The following GABRB2 variants were observed in gnomAD, a reference collection of about 807,000 sequenced individuals.
GABRB2 encodes gamma-aminobutyric acid type A receptor subunit beta2.
In GABRB2, 16 loss-of-function variants were observed where a neutral mutation model predicts 54.7. The ratio of observed to expected loss-of-function variants is 0.29; its 90% confidence interval spans 0.20 to 0.44. The LOEUF (loss-of-function observed/expected upper bound fraction) is 0.44. Ranked by LOEUF, GABRB2 falls within the 20% of genes least tolerant of loss-of-function variation. The probability of loss-of-function intolerance (pLI) is 1.00; values close to 1 mark genes in which losing one functional copy is unlikely to be tolerated. For missense variants in GABRB2, 355 were observed against 644.0 expected (o/e 0.55, Z 4.86); for synonymous variants, 244 against 233.8 (o/e 1.04, Z -0.40).
intron 9 of GABRB2, among the ~76,000 whole-genome samples, chr5:161,319,894 A>AT (rs1327477006): frequency 2.6e-5 from 4 of 151,088 alleles, no homozygotes; most frequent in Non-Finnish European, 5.9e-5. Context: ...ATCTAGGCTA[A>AT]TTTTTTTTCT....
chr5:161,335,357 G>T (rs960581077), intron 6 of GABRB2, among the ~76,000 whole-genome samples: 3 of 152,060 alleles, frequency 2.0e-5, no homozygotes, highest in Non-Finnish European at 2.9e-5. Context: ...GATGTTTCAG[G>T]GAATGCAGGT....
chr5:161,537,705 T>C (rs888484932), intron 3 of GABRB2, among the ~76,000 whole-genome samples: 11 of 152,204 alleles, frequency 7.2e-5, no homozygotes, highest in African/African-American at 2.7e-4. Flanking sequence ...CCATCTTCGA[T>C]AGGTGTGAAT....
At chr5:161,445,119 G>T (rs1396893550) in intron 4 of GABRB2, among the ~76,000 whole-genome samples, 1 of 152,114 alleles carries the variant, frequency 6.6e-6, no homozygotes, top group African/African-American at 2.4e-5. Context: ...TCCTCAAGAT[G>T]CTGGGGTATA....
intron 4 of GABRB2, among the ~76,000 whole-genome samples, chr5:161,447,259 T>C (rs1004026599): frequency 3.3e-5 from 5 of 152,174 alleles, no homozygotes; most frequent in Admixed American, 6.6e-5. Flanking sequence ...CCCATACTCT[T>C]AACACATTGC....
intron 3 of GABRB2, among the ~76,000 whole-genome samples, chr5:161,526,454 T>C (rs988760933): frequency 6.6e-6 from 1 of 151,018 alleles, no homozygotes; most frequent in African/African-American, 2.4e-5. Flanking sequence ...GTGTAGATGC[T>C]CTTATTATGG....
intron 4 of GABRB2, among the ~76,000 whole-genome samples, chr5:161,413,135 AT>A (rs1269131369): frequency 1.3e-5 from 2 of 152,130 alleles, no homozygotes; most frequent in African/African-American, 2.4e-5. Flanking sequence ...ACTTTGTTCT[AT>A]TTGCTGTTAA....
intron 5 of GABRB2, among the ~76,000 whole-genome samples, chr5:161,387,594 C>A (rs1413151083): frequency 6.6e-6 from 1 of 152,150 alleles, no homozygotes; most frequent in Non-Finnish European, 1.5e-5. Flanking sequence ...CAGAATCCAT[C>A]TACTACCTAG....
chr5:161,500,377 T>C (rs1296540424), intron 3 of GABRB2, among the ~76,000 whole-genome samples: 5 of 152,176 alleles, frequency 3.3e-5, no homozygotes, highest in African/African-American at 9.6e-5. Context: ...GAAGTCAATA[T>C]AGAGTAATGC....
intron 3 of GABRB2, among the ~76,000 whole-genome samples, chr5:161,469,509 C>CAA (rs5872716): frequency 1.4e-4 from 21 of 150,610 alleles, no homozygotes; most frequent in East Asian, 7.8e-4. Context: ...TCTTAAAAAC[C>CAA]AAAAAAAACC....
At chr5:161,494,973 A>G (rs1285765580) in intron 3 of GABRB2, among the ~76,000 whole-genome samples, 1 of 151,934 alleles carries the variant, frequency 6.6e-6, no homozygotes, top group Non-Finnish European at 1.5e-5. Context: ...CTTTTAACTC[A>G]TCTTTCCTAG....
intron 3 of GABRB2, among the ~76,000 whole-genome samples, chr5:161,479,244 G>T (rs532306607): frequency 6.6e-6 from 1 of 152,178 alleles, no homozygotes; most frequent in Admixed American, 6.6e-5. Flanking sequence ...GTCTACATCA[G>T]ATATTCTTTA....
At chr5:161,314,848 TTGAC>T (rs1471320897) in intron 9 of GABRB2, among the ~76,000 whole-genome samples, 1 of 152,138 alleles carries the variant, frequency 6.6e-6, no homozygotes, top group Non-Finnish European at 1.5e-5. Flanking sequence ...TATCGATATA[TTGAC>T]TGATAAAAAA....
At chr5:161,374,318 C>T (rs994582606) in intron 5 of GABRB2, among the ~76,000 whole-genome samples, 5 of 152,166 alleles carry the variant, frequency 3.3e-5, no homozygotes, top group South Asian at 2.1e-4. Context: ...TCACCTCAAA[C>T]TTAACATGCT....
chr5:161,544,028 G>A (rs1760895489), intron 3 of GABRB2, among the ~76,000 whole-genome samples: 2 of 151,984 alleles, frequency 1.3e-5, no homozygotes, highest in African/African-American at 2.4e-5. Context: ...ATGAAATCTC[G>A]GGATTATCTC....
At chr5:161,356,433 C>T (rs1367018169) in intron 5 of GABRB2, among the ~76,000 whole-genome samples, 1 of 152,112 alleles carries the variant, frequency 6.6e-6, no homozygotes, top group African/African-American at 2.4e-5. Context: ...GCACTGCTCC[C>T]CTCCATAGCC....
intron 5 of GABRB2, among the ~76,000 whole-genome samples, chr5:161,338,128 AAAG>A (rs1312392944): frequency 1.3e-5 from 2 of 152,062 alleles, no homozygotes; most frequent in African/African-American, 4.8e-5. Context: ...TTTTTTTTTC[AAAG>A]AAGTAGGATA....
chr5:161,413,967 A>G lies in GABRB2; in HGVS notation c.459-2910T>C, dbSNP rs143996058. ...AAACACCAAGAAAAATATGTTGGCT[A>G]ATGCTACTGCAGGAGCAATGAGTTC... On this transcript the variant is annotated intron_variant, in intron 4 of 9. Transcript: ENST00000393959. 3.6e-3 allele frequency among the ~76,000 whole-genome samples: 549 copies of G among 152,342 alleles called. 1 individual carries two copies. Among genetic ancestry groups the G allele is most frequent in the African/African-American group, 0.013 (528 of 41,582 alleles).
At position 161,336,636 on chromosome 5, in the gene GABRB2, G is replaced by A. The variant is rs756153980; in HGVS notation, c.675C>T (p.Ser225=). The change falls in exon 6 of 10, where the codon TCC becomes TCT. Residue 225 remains serine (S), a synonymous_variant. Coordinates refer to ENST00000393959, the MANE Select transcript of GABRB2 (RefSeq NM_001371727.1). ...ACACTTTTCCATGATACAAACCTGT[G>A]GAAAAAACAACCTTCTTGGTGATAA... is the stretch of plus-strand genomic sequence containing the variant. ...YKLITKKVVF[S]TGSYPRLSLS... The A allele has an allele frequency of 1.9e-6, 3 of 1,612,486 alleles. No homozygotes were observed. The highest frequency in any genetic ancestry group is 2.5e-6 in the Non-Finnish European group (3 of 1,179,238).
intron 5 of GABRB2, among the ~76,000 whole-genome samples, chr5:161,337,849 A>G: frequency 6.6e-6 from 1 of 152,166 alleles, no homozygotes; most frequent in East Asian, 1.9e-4. Context: ...TATCACATTT[A>G]TCTTTTCAAA....
Sources: allele counts gnomAD v4.1 joint callset (sites outside exome capture counted in the v4.1 genomes callset), GRCh38; gene constraint gnomAD v4.1.1; transcripts MANE v1.5; gene names NCBI Gene and HGNC (gene_info 2026-07-23, HGNC 2026-07-21).